PDE3A: variants seen among roughly 807,000 people sequenced by gnomAD.
PDE3A encodes cGMP-inhibited 3',5'-cyclic phosphodiesterase 3A.
A neutral mutation model predicts 98.3 loss-of-function variants in PDE3A; 43 were observed. The ratio of observed to expected loss-of-function variants is 0.44; its 90% CI spans 0.34 to 0.56. The LOEUF (loss-of-function observed/expected upper bound fraction) is 0.56. Ranked by LOEUF, PDE3A falls within the 20% of genes least tolerant of loss-of-function variation. The pLI, the probability that PDE3A is intolerant of heterozygous loss-of-function variation, is 0.01. For synonymous variants in PDE3A, 663 were observed against 567.9 expected, an observed-to-expected ratio of 1.17 and a Z score of -2.38; for missense variants, 1,427 against 1,440.7, an observed-to-expected ratio of 0.99 and a Z score of 0.15.
At chr12:20,630,834 T>G (rs918717602) in intron 6 of PDE3A, among the ~76,000 whole-genome samples, 15 of 152,168 alleles carry the variant, frequency 9.9e-5, no homozygotes, top group Admixed American at 2.0e-4. Context: ...ATGGTATTTT[T>G]TAAGTAGAAA....
intron 8 of PDE3A, among the ~76,000 whole-genome samples, chr12:20,636,040 TGAAG>T (rs1268686402): frequency 1.3e-5 from 2 of 152,126 alleles, no homozygotes; most frequent in Non-Finnish European, 2.9e-5. Context: ...AAAAGAAAGA[TGAAG>T]GAAGGGAGGG....
Position 20,657,952 on chromosome 12 carries a change from C to A in PDE3A, c.3184+3747C>A, listed in dbSNP as rs191429602. 3.2e-3 allele frequency among the ~76,000 whole-genome samples: 483 copies of A among 152,304 alleles called. 5 individuals carry two copies. The highest frequency in any genetic ancestry group is 0.011 in the African/African-American group (443 of 41,576). On this transcript the variant is annotated intron_variant, in intron 15 of 15. Coordinates refer to ENST00000359062, the MANE Select transcript of PDE3A (RefSeq NM_000921.5). ...ACCTTAAACTGAAGAGTGTTTGCTA[C>A]AACTGTGATTCAAACCTGTCCTTCA...
At chr12:20,578,422 A>G (rs1942987388) in intron 2 of PDE3A, among the ~76,000 whole-genome samples, 1 of 151,752 alleles carries the variant, frequency 6.6e-6, no homozygotes. Context: ...GGAGAATTCT[A>G]TTGGGTATGG....
At chr12:20,424,123 C>T (rs979103778) in intron 1 of PDE3A, among the ~76,000 whole-genome samples, 9 of 151,956 alleles carry the variant, frequency 5.9e-5, no homozygotes, top group African/African-American at 1.9e-4. Flanking sequence ...ATACATATTG[C>T]GAAAGTAAAA....
chr12:20,455,326 A>G (rs891570968), intron 1 of PDE3A, among the ~76,000 whole-genome samples: 1 of 151,590 alleles, frequency 6.6e-6, no homozygotes, highest in African/African-American at 2.4e-5. Flanking sequence ...TTTTCTTGTG[A>G]GTTTAGGTTC....
At chr12:20,571,540 C>G (rs1942802140) in intron 2 of PDE3A, among the ~76,000 whole-genome samples, 1 of 152,120 alleles carries the variant, frequency 6.6e-6, no homozygotes, top group African/African-American at 2.4e-5. Context: ...ATCCTACATT[C>G]TGATTAACTC....
intron 1 of PDE3A, among the ~76,000 whole-genome samples, chr12:20,416,424 GTA>G (rs1944422320): frequency 6.6e-6 from 1 of 152,164 alleles, no homozygotes; most frequent in Admixed American, 6.5e-5. Context: ...GCATGTGTGT[GTA>G]TGTGTGTGTG....
At chr12:20,570,767 T>C (rs75708120) in intron 2 of PDE3A, among the ~76,000 whole-genome samples, 2,063 of 152,232 alleles carry the variant, frequency 0.014, 49 homozygotes, top group African/African-American at 0.048. Context: ...AGAAGAGTCC[T>C]GTAACTATGC....
intron 1 of PDE3A, among the ~76,000 whole-genome samples, chr12:20,396,991 C>T (rs1944031537): frequency 2.7e-5 from 4 of 149,842 alleles, no homozygotes. Flanking sequence ...CTTAATCTCT[C>T]AAAGCTTAGG....
At chr12:20,463,071 C>A (rs1273153600) in intron 1 of PDE3A, among the ~76,000 whole-genome samples, 1 of 152,096 alleles carries the variant, frequency 6.6e-6, no homozygotes, top group Non-Finnish European at 1.5e-5. Context: ...CTGCACCTGG[C>A]AAATCTATAC....
intron 2 of PDE3A, among the ~76,000 whole-genome samples, chr12:20,581,959 A>AT (rs1418970399): frequency 5.9e-5 from 9 of 152,222 alleles, no homozygotes; most frequent in African/African-American, 2.2e-4. Flanking sequence ...TTCATTGACT[A>AT]CCAGTATAAT....
chr12:20,651,635 A>G (rs552154813), intron 14 of PDE3A, among the ~76,000 whole-genome samples: 41 of 152,216 alleles, frequency 2.7e-4, no homozygotes, highest in Non-Finnish European at 4.0e-4. Context: ...TTATATTGCT[A>G]AAGGTATCCA....
chr12:20,419,223 G>T (rs2120745920), intron 1 of PDE3A, among the ~76,000 whole-genome samples: 2 of 152,184 alleles, frequency 1.3e-5, no homozygotes, highest in Admixed American at 1.3e-4. Context: ...AGAGGGGAGA[G>T]TTACACACTG....
intron 4 of PDE3A, 43 bp downstream of exon 4, chr12:20,616,427 T>C (rs1944010116): frequency 6.4e-7 from 1 of 1,569,340 alleles, no homozygotes; most frequent in Non-Finnish European, 8.7e-7. Context: ...TTAGAGAAGT[T>C]ACTTGCCAAA....
At chr12:20,650,703 A>G (rs1944896814) in intron 14 of PDE3A, 103 bp downstream of exon 14, 3 of 617,622 alleles carry the variant, frequency 4.9e-6, no homozygotes, top group South Asian at 4.1e-5. Context: ...TCTATTTTAT[A>G]TTCATACTTT....
chr12:20,463,067 C>G (rs1945281020), intron 1 of PDE3A, among the ~76,000 whole-genome samples: 1 of 152,096 alleles, frequency 6.6e-6, no homozygotes, highest in Non-Finnish European at 1.5e-5. Flanking sequence ...ACCACTGCAC[C>G]TGGCAAATCT....
At chr12:20,584,857 T>G (rs1368961653) in intron 2 of PDE3A, among the ~76,000 whole-genome samples, 1 of 152,162 alleles carries the variant, frequency 6.6e-6, no homozygotes, top group Non-Finnish European at 1.5e-5. Flanking sequence ...GCTACCTGTT[T>G]TCTGGGCAGT....
chr12:20,482,072 A>T (rs1945641009), intron 1 of PDE3A, among the ~76,000 whole-genome samples: 1 of 152,078 alleles, frequency 6.6e-6, no homozygotes, highest in Non-Finnish European at 1.5e-5. Context: ...CGAGAAATAG[A>T]TATTTTTAAC....
chr12:20,604,814 T>C (rs1943672531), intron 2 of PDE3A, among the ~76,000 whole-genome samples: 1 of 152,190 alleles, frequency 6.6e-6, no homozygotes, highest in South Asian at 2.1e-4. Context: ...TTCTCTCAAG[T>C]ATGTGTCCAC....
Sources: allele counts gnomAD v4.1 joint callset (sites outside exome capture counted in the v4.1 genomes callset), GRCh38; gene constraint gnomAD v4.1.1; transcripts MANE v1.5; gene names NCBI Gene and HGNC (gene_info 2026-07-23, HGNC 2026-07-21).